Variants in PUDP observed in about 807,000 individuals in gnomAD.
The protein encoded by PUDP is pseudouridine 5'-phosphatase, also known as pseudouridine-5'-phosphatase.
A neutral mutation model predicts 9.4 loss-of-function variants in PUDP; 8 were observed. That is an observed-to-expected ratio of 0.85 (90% confidence interval 0.50 to 1.53). The LOEUF is 1.53. Among genes scored for constraint, PUDP ranks in the 40% most tolerant of loss-of-function variants. PUDP has a pLI of 0.00. For missense variants in PUDP, 188 were observed against 189.7 expected (o/e 0.99, Z 0.05); for synonymous variants, 99 against 80.7 (o/e 1.23, Z -1.22).
chrX:6,789,012 G>A (rs746922830), intron 3 of PUDP, among the ~76,000 whole-genome samples: 68 of 111,566 alleles, frequency 6.1e-4, no homozygotes, highest in Non-Finnish European at 9.2e-4. Flanking sequence ...AGAAGAGACC[G>A]GGCGCGGTGG....
chrX:7,047,495 G>T (rs1302996402), downstream of PUDP, among the ~76,000 whole-genome samples: 1 of 112,159 alleles, frequency 8.9e-6, no homozygotes, highest in Non-Finnish European at 1.9e-5. Context: ...TAAAGAACCA[G>T]AATATTTTGA....
intron 3 of PUDP, among the ~76,000 whole-genome samples, chrX:6,779,403 G>A (rs181003177): frequency 3.2e-4 from 36 of 111,606 alleles, no homozygotes; most frequent in African/African-American, 1.0e-3. Flanking sequence ...TAAAGACAGA[G>A]GGTCTTTTCT....
intron 2 of PUDP, among the ~76,000 whole-genome samples, chrX:7,080,150 C>T (rs1931037906): frequency 9.0e-6 from 1 of 111,586 alleles, no homozygotes; most frequent in African/African-American, 3.3e-5. Context: ...GGACAGACAT[C>T]ACTACAGATT....
intron 3 of PUDP, among the ~76,000 whole-genome samples, chrX:6,916,191 TACACACACACACACACAC>T (rs747162229): frequency 5.0e-3 from 352 of 69,818 alleles, no homozygotes; most frequent in South Asian, 0.049. Flanking sequence ...ATGCTTTTTC[TACACACACACACACACAC>T]ACACACACAC....
chrX:6,769,160 G>C (rs912436162), intron 3 of PUDP, among the ~76,000 whole-genome samples: 1 of 112,214 alleles, frequency 8.9e-6, no homozygotes, highest in African/African-American at 3.2e-5. Context: ...CCTCCAACCT[G>C]ATTCCTTGTT....
intron 3 of PUDP, among the ~76,000 whole-genome samples, chrX:6,767,769 GC>G (rs1219558484): frequency 8.9e-6 from 1 of 112,162 alleles, no homozygotes; most frequent in East Asian, 2.8e-4. Flanking sequence ...AAGAAACTTT[GC>G]ATTGAACCCC....
chrX:6,925,943 T>C (rs189321331), intron 3 of PUDP, among the ~76,000 whole-genome samples: 133 of 111,745 alleles, frequency 1.2e-3, no homozygotes, highest in Non-Finnish European at 2.2e-3. Flanking sequence ...TGTTGATAAT[T>C]TGGTATCTTA....
intron 3 of PUDP, among the ~76,000 whole-genome samples, chrX:7,059,667 G>A (rs1057440982): frequency 8.9e-6 from 1 of 111,950 alleles, no homozygotes; most frequent in Non-Finnish European, 1.9e-5. Flanking sequence ...CAGCACTTTC[G>A]TTATGGAAAA....
chrX:7,068,401 A>G (rs1930631533), intron 3 of PUDP, among the ~76,000 whole-genome samples: 1 of 111,555 alleles, frequency 9.0e-6, no homozygotes, highest in Non-Finnish European at 1.9e-5. Flanking sequence ...TTCTGTGTCT[A>G]TTGGCTTCTG....
chrX:7,028,962 TCTC>T (rs1444222217), intron 1 of PUDP, among the ~76,000 whole-genome samples: 4 of 110,543 alleles, frequency 3.6e-5, no homozygotes, highest in African/African-American at 6.6e-5. Flanking sequence ...TATGTCCTCA[TCTC>T]CTCTTCTTAT....
chrX:6,936,815 A>C (rs1338524773), intron 3 of PUDP, among the ~76,000 whole-genome samples: 1 of 98,831 alleles, frequency 1.0e-5, no homozygotes, highest in Admixed American at 1.2e-4. Context: ...ATGTACAAAA[A>C]TCACAAGCAT....
At chrX:7,103,699 C>T (rs1244283537) in intron 2 of PUDP, among the ~76,000 whole-genome samples, 2 of 112,210 alleles carry the variant, frequency 1.8e-5, no homozygotes, top group East Asian at 5.6e-4. Flanking sequence ...ACTCCTACAA[C>T]ATAAAAACAA....
At chrX:6,904,926 G>C (rs1191308451) in intron 3 of PUDP, among the ~76,000 whole-genome samples, 2 of 111,633 alleles carry the variant, frequency 1.8e-5, no homozygotes, top group Non-Finnish European at 3.8e-5. Flanking sequence ...TGATGCCTGA[G>C]GCTATTTCAC....
chrX:6,954,373 G>C (rs1378007220), intron 3 of PUDP, among the ~76,000 whole-genome samples: 1 of 110,888 alleles, frequency 9.0e-6, no homozygotes, highest in Non-Finnish European at 1.9e-5. Context: ...TGACAGTGCT[G>C]TGCTAGAAAC....
rs895072164 is a variant in PUDP at position 7,026,060 on chromosome X, G to T, written c.205-47717C>A. ...TAAGCCTTCTGGCTTTTAGAGAACA[G>T]AGACTGCTTATTCTTATATTAAACT... On this transcript the variant is annotated intron_variant and NMD_transcript_variant, in intron 1 of 3. Coordinates refer to the PUDP transcript ENST00000655425. Among the ~76,000 whole-genome samples the T allele has an allele frequency of 6.2e-5, 7 of 112,516 alleles. No homozygotes were observed. In the Admixed American group the frequency reaches 6.6e-4, roughly 11 times the overall value.
At chrX:6,948,017 A>T (rs1928494539) in intron 3 of PUDP, among the ~76,000 whole-genome samples, 1 of 111,655 alleles carries the variant, frequency 9.0e-6, no homozygotes, top group Non-Finnish European at 1.9e-5. Flanking sequence ...GCCTCTTAAA[A>T]GGAAAAACAA....
intron 3 of PUDP, among the ~76,000 whole-genome samples, chrX:7,060,082 G>A (rs1930357419): frequency 9.0e-6 from 1 of 111,696 alleles, no homozygotes; most frequent in Non-Finnish European, 1.9e-5. Flanking sequence ...TCCTCTCCTT[G>A]GTCCTTTCCA....
intron 1 of PUDP, among the ~76,000 whole-genome samples, chrX:7,034,758 T>A (rs759518467): frequency 1.8e-5 from 2 of 111,558 alleles, no homozygotes; most frequent in Non-Finnish European, 3.8e-5. Flanking sequence ...CCACTTTGTC[T>A]AATCTTCAAA....
intron 3 of PUDP, among the ~76,000 whole-genome samples, chrX:6,788,864 G>T (rs919432092): frequency 8.9e-6 from 1 of 112,586 alleles, no homozygotes; most frequent in Non-Finnish European, 1.9e-5. Context: ...GGGTCACAGT[G>T]AGTAAGGAGA....
Sources: gnomAD v4.1 joint callset for allele counts (sites outside exome capture counted in the v4.1 genomes callset) on GRCh38, gnomAD v4.1.1 for gene constraint, MANE v1.5 for transcripts, NCBI Gene and HGNC (gene_info 2026-07-23, HGNC 2026-07-21) for gene names.